The following RIPOR3 variants were observed in gnomAD, a reference collection of about 807,000 sequenced individuals.
The protein encoded by RIPOR3 is family with sequence similarity 65 member C.
In RIPOR3, 95 loss-of-function variants were observed where a neutral mutation model predicts 114.3. The ratio of observed to expected loss-of-function variants is 0.83; its 90% CI spans 0.70 to 0.99. The LOEUF (loss-of-function observed/expected upper bound fraction) is 0.99, where lower values mean the gene tolerates loss of function less well. Among genes scored for constraint, RIPOR3 ranks in the 50% least tolerant of loss-of-function variants. RIPOR3 has a pLI of 0.00. For synonymous variants in RIPOR3, 575 were observed against 543.8 expected, an observed-to-expected ratio of 1.06 and a Z score of -0.80; for missense variants, 1,252 against 1,266.9, an observed-to-expected ratio of 0.99 and a Z score of 0.18.
intron 1 of RIPOR3, among the ~76,000 whole-genome samples, chr20:50,673,612 C>A (rs896903080): frequency 2.0e-5 from 3 of 152,214 alleles, no homozygotes; most frequent in Non-Finnish European, 4.4e-5. Context: ...ACTGCACCCA[C>A]CCCCGATCAG....
rs867558477 is a variant in RIPOR3 at position 50,652,603 on chromosome 20, A to G, written c.4-21747T>C. ...GAGATTCTGTCTCAAAAAAAAAAAA[A>G]AAAAAAAAAAGAAAAGAAAAGAAAA... On this transcript the variant is annotated intron_variant, in intron 1 of 21. Transcript: ENST00000327979. Among the ~76,000 whole-genome samples the G allele has an allele frequency of 2.9e-3, 437 of 150,634 alleles. 5 individuals are homozygous for G. The highest frequency in any genetic ancestry group is 0.01 in the African/African-American group (419 of 40,960).
At chr20:50,621,118 GACA>G (rs752400043) in intron 2 of RIPOR3, 54 of 41,784 alleles carry the variant, frequency 1.3e-3, no homozygotes, top group Non-Finnish European at 1.7e-3. Context: ...AGAACAGCTT[GACA>G]AAAAAAAAAA....
intron 1 of RIPOR3, among the ~76,000 whole-genome samples, chr20:50,655,720 C>T (rs2085787725): frequency 6.6e-6 from 1 of 150,834 alleles, no homozygotes; most frequent in South Asian, 2.1e-4. Flanking sequence ...GCACACCCTC[C>T]CATTATTAAG....
chr20:50,621,866 G>A (rs553909794), intron 2 of RIPOR3, among the ~76,000 whole-genome samples: 1 of 152,344 alleles, frequency 6.6e-6, no homozygotes, highest in South Asian at 2.1e-4. Context: ...CTGCCTTTCA[G>A]TGGTGATGGC....
intron 1 of RIPOR3, among the ~76,000 whole-genome samples, chr20:50,674,744 C>T (rs2086630061): frequency 6.6e-6 from 1 of 150,488 alleles, no homozygotes; most frequent in South Asian, 2.1e-4. Flanking sequence ...CCCAGAAGTT[C>T]AAGACCAGCC....
chr20:50,663,915 C>T, intron 1 of RIPOR3, among the ~76,000 whole-genome samples: 2 of 133,300 alleles, frequency 1.5e-5, no homozygotes, highest in South Asian at 5.2e-4. Flanking sequence ...ATTACTTTCT[C>T]TCTCTCTCTC....
At chr20:50,596,010 A>G in intron 15 of RIPOR3, 130 bp downstream of exon 15, 1 of 1,317,476 alleles carries the variant, frequency 7.6e-7, no homozygotes, top group South Asian at 1.4e-5. Context: ...GAATAGCTTC[A>G]GTCTCACGGG....
In RIPOR3 at chr20:50,666,110, A is replaced by T. The variant is rs190339156; in HGVS notation, c.3+25016T>A. On this transcript the variant is annotated intron_variant, in intron 1 of 21. Coordinates refer to ENST00000327979, the MANE Select transcript of RIPOR3 (RefSeq NM_001290268.2). The stretch of plus-strand genomic sequence containing the variant: ...AGGGTTTATTAACATGACAGTGAAC[A>T]TCTAGGGCCTTATATACATTTTTCT... Among the ~76,000 whole-genome samples, 455 of 150,500 alleles carry T rather than the reference A, an allele frequency of 3.0e-3. 2 individuals carry two copies. The highest frequency in any genetic ancestry group is 0.011 in the African/African-American group (438 of 41,070).
At chr20:50,592,259 T>G (rs569776271) in intron 19 of RIPOR3, 85 bp downstream of exon 19, 1 of 1,396,374 alleles carries the variant, frequency 7.2e-7, no homozygotes, top group South Asian at 1.6e-5. Context: ...GGCACTCACT[T>G]CTTTGTACTT....
At chr20:50,673,483 C>T (rs1055834442) in intron 1 of RIPOR3, among the ~76,000 whole-genome samples, 3 of 152,114 alleles carry the variant, frequency 2.0e-5, no homozygotes, top group African/African-American at 7.2e-5. Flanking sequence ...CTCTCAGGGG[C>T]CTCCAACCCA....
chr20:50,589,529 C>T (rs903692197), intron 20 of RIPOR3, among the ~76,000 whole-genome samples, 157 bp downstream of exon 20: 1 of 152,180 alleles, frequency 6.6e-6, no homozygotes, highest in African/African-American at 2.4e-5. Context: ...CTCCTGACCT[C>T]AGGTGATCTG....
Position 50,595,443 on chromosome 20 carries a change from T to C in RIPOR3, c.1976A>G (p.Gln659Arg). The C allele has an allele frequency of 6.2e-7, 1 of 1,614,206 alleles. No homozygotes were observed. ...AAGTGTCTCCAGAACGTGCTTTTGC[T>C]GTGCCACTTCTTCCAGGAGGCATTC... ...VQECLLEEVA[Q>R]QKHVLETLSV... The change falls in exon 16 of 22, where the codon CAG becomes CGG. Residue 659 changes from glutamine to arginine, a missense_variant. Coordinates refer to ENST00000327979, the MANE Select transcript of RIPOR3 (RefSeq NM_001290268.2).
At chr20:50,646,082 T>C (rs1033091999) in intron 1 of RIPOR3, among the ~76,000 whole-genome samples, 2 of 152,118 alleles carry the variant, frequency 1.3e-5, no homozygotes, top group Admixed American at 6.6e-5. Context: ...TTTTTTCACA[T>C]CTTCTTTGTT....
At chr20:50,675,271 G>A (rs556721696) in intron 1 of RIPOR3, among the ~76,000 whole-genome samples, 70 of 152,306 alleles carry the variant, frequency 4.6e-4, no homozygotes, top group Non-Finnish European at 8.5e-4. Context: ...GAAAGAACGA[G>A]TTTCTGTTGT....
chr20:50,624,881 C>T (rs2084560498), intron 2 of RIPOR3, among the ~76,000 whole-genome samples: 1 of 152,158 alleles, frequency 6.6e-6, no homozygotes, highest in African/African-American at 2.4e-5. Context: ...GGCTCAAGTC[C>T]TGCACCTGCC....
chr20:50,637,233 G>A (rs902908798), intron 1 of RIPOR3, among the ~76,000 whole-genome samples: 18 of 152,228 alleles, frequency 1.2e-4, no homozygotes, highest in African/African-American at 4.3e-4. Context: ...AAAGGCGACT[G>A]GAAGAGCCAG....
chr20:50,636,561 G>A, intron 1 of RIPOR3: 3 of 985,614 alleles, frequency 3.0e-6, no homozygotes, highest in Non-Finnish European at 3.6e-6. Flanking sequence ...GGGAGGCACA[G>A]AGTCATGCAG....
chr20:50,607,192 C>T (rs946704944), intron 11 of RIPOR3, among the ~76,000 whole-genome samples: 1 of 152,178 alleles, frequency 6.6e-6, no homozygotes, highest in Non-Finnish European at 1.5e-5. Context: ...AGTTAGAGGC[C>T]CCTTTGAGAA....
At chr20:50,603,266 TCTCG>T (rs1417276691) in intron 12 of RIPOR3, among the ~76,000 whole-genome samples, 1 of 152,210 alleles carries the variant, frequency 6.6e-6, no homozygotes, top group South Asian at 2.1e-4. Flanking sequence ...TTTGAAATAG[TCTCG>T]CTCTGTTGCC....
Sources: gnomAD v4.1 joint callset for allele counts (sites outside exome capture counted in the v4.1 genomes callset) on GRCh38, gnomAD v4.1.1 for gene constraint, MANE v1.5 for transcripts, NCBI Gene and HGNC (gene_info 2026-07-23, HGNC 2026-07-21) for gene names.